Variants in NBAS observed in about 807,000 individuals in gnomAD.
NBAS encodes the protein NAG/BC035112 fusion.
NBAS carries 219 observed loss-of-function variants against 302.5 expected under a neutral mutation model. The ratio of observed to expected loss-of-function variants is 0.72; its 90% confidence interval spans 0.65 to 0.81. The LOEUF (loss-of-function observed/expected upper bound fraction) is 0.81. Among genes scored for constraint, NBAS ranks in the 30% least tolerant of loss-of-function variants. The pLI, the probability that NBAS is intolerant of heterozygous loss-of-function variation, is 0.00. For synonymous variants in NBAS, 1,118 were observed against 1,021.6 expected, an observed-to-expected ratio of 1.09 and a Z score of -1.80; for missense variants, 2,932 against 2,841.6, an observed-to-expected ratio of 1.03 and a Z score of -0.72.
intron 44 of NBAS, among the ~76,000 whole-genome samples, chr2:15,241,844 C>G (rs1248432321): frequency 1.3e-5 from 2 of 152,118 alleles, no homozygotes; most frequent in East Asian, 1.9e-4. Flanking sequence ...ACTCAAGAAC[C>G]TTCACAAACT....
the NBAS span, among the ~76,000 whole-genome samples, chr2:14,876,829 C>T: frequency 6.6e-6 from 1 of 152,260 alleles, no homozygotes; most frequent in Non-Finnish European, 1.5e-5. Context: ...CGGCCGCTGA[C>T]TCCAGCCTTG....
intron 49 of NBAS, among the ~76,000 whole-genome samples, chr2:15,187,440 C>T (rs1299229611): frequency 2.0e-5 from 3 of 152,008 alleles, no homozygotes; most frequent in African/African-American, 7.3e-5. Flanking sequence ...GACTAAGTTA[C>T]AATCAGGGTA....
chr2:15,023,428 C>T, the NBAS span, among the ~76,000 whole-genome samples: 11 of 152,018 alleles, frequency 7.2e-5, no homozygotes, highest in South Asian at 2.1e-4. Context: ...AGTTACATTA[C>T]GTGAGAAAGA....
chr2:15,516,291 A>G (rs1257968932), intron 9 of NBAS, among the ~76,000 whole-genome samples: 1 of 152,200 alleles, frequency 6.6e-6, no homozygotes, highest in East Asian at 1.9e-4. Context: ...ATAAGAAAAT[A>G]AGTTCTAAGA....
intron 6 of NBAS, among the ~76,000 whole-genome samples, chr2:15,547,932 C>G (rs1487147077): frequency 6.6e-6 from 1 of 152,210 alleles, no homozygotes; most frequent in Non-Finnish European, 1.5e-5. Context: ...ATTAGGCAAA[C>G]AGGTCTTCTT....
chr2:15,264,708 T>A (rs1372865273), intron 44 of NBAS, among the ~76,000 whole-genome samples: 1 of 152,160 alleles, frequency 6.6e-6, no homozygotes, highest in African/African-American at 2.4e-5. Flanking sequence ...CTAACTTCCT[T>A]GGGACTTAAA....
chr2:15,496,937 T>C (rs1221899517), intron 11 of NBAS, among the ~76,000 whole-genome samples: 1 of 152,016 alleles, frequency 6.6e-6, no homozygotes, highest in Non-Finnish European at 1.5e-5. Context: ...GTATTTAAAT[T>C]GAAGGACTAT....
chr2:15,062,926 T>C, the NBAS span, among the ~76,000 whole-genome samples: 2 of 152,226 alleles, frequency 1.3e-5, no homozygotes, highest in Admixed American at 1.3e-4. Flanking sequence ...ATCCTGGGAA[T>C]AAGCCCAAGG....
chr2:15,114,693 A>G, the NBAS span, among the ~76,000 whole-genome samples: 2 of 152,148 alleles, frequency 1.3e-5, no homozygotes, highest in African/African-American at 4.8e-5. Flanking sequence ...GCTGTGATTG[A>G]CAGGTGCACG....
intron 41 of NBAS, among the ~76,000 whole-genome samples, chr2:15,288,404 C>T (rs148197942): frequency 6.6e-6 from 1 of 152,202 alleles, no homozygotes; most frequent in East Asian, 1.9e-4. Context: ...AACACACACC[C>T]AGCAGAGGGT....
the NBAS span, among the ~76,000 whole-genome samples, chr2:15,000,682 C>T: frequency 6.6e-6 from 1 of 152,136 alleles, no homozygotes; most frequent in African/African-American, 2.4e-5. Context: ...ATATTTAATA[C>T]CGAGAGGTGA....
intron 9 of NBAS, 83 bp downstream of exon 9, chr2:15,534,458 CAT>C: frequency 1.0e-6 from 1 of 989,174 alleles, no homozygotes; most frequent in South Asian, 1.3e-5. Context: ...AAGAAGTCAA[CAT>C]AAGAATCAGA....
chr2:14,910,301 G>A, the NBAS span, among the ~76,000 whole-genome samples: 1 of 152,144 alleles, frequency 6.6e-6, no homozygotes, highest in African/African-American at 2.4e-5. Context: ...CACTCCACTG[G>A]GTAAGGATGA....
the NBAS span, among the ~76,000 whole-genome samples, chr2:15,073,335 T>C: frequency 1.8e-4 from 27 of 151,882 alleles, 1 homozygote; most frequent in Admixed American, 1.5e-3. Flanking sequence ...AAAAATTAGC[T>C]GGGCGTGGTG....
chr2:15,119,734 C>A, the NBAS span, among the ~76,000 whole-genome samples: 3 of 152,128 alleles, frequency 2.0e-5, no homozygotes, highest in East Asian at 5.8e-4. Context: ...AGAGCTCGGT[C>A]CCATGTACTC....
At chr2:15,351,903 C>CAA in intron 35 of NBAS, 89 bp downstream of exon 35, 2 of 928,346 alleles carry the variant, frequency 2.2e-6, no homozygotes, top group Non-Finnish European at 3.5e-6. Flanking sequence ...CACACACACA[C>CAA]AAAACCCCTC....
chr2:14,923,101 G>A, the NBAS span, among the ~76,000 whole-genome samples: 3 of 152,188 alleles, frequency 2.0e-5, no homozygotes, highest in Admixed American at 6.5e-5. Flanking sequence ...GCAGTGAGCC[G>A]AGATTGCGCA....
At chr2:15,159,416 T>A in the NBAS span, among the ~76,000 whole-genome samples, 2 of 150,948 alleles carry the variant, frequency 1.3e-5, no homozygotes, top group Non-Finnish European at 2.9e-5. Context: ...AGTATATACA[T>A]ACAAAAGAGT....
At chr2:14,938,732 C>CG in the NBAS span, among the ~76,000 whole-genome samples, 1 of 152,128 alleles carries the variant, frequency 6.6e-6, no homozygotes, top group South Asian at 2.1e-4. Context: ...ATAAACACAC[C>CG]GTGTGATGAT....
Sources: allele counts gnomAD v4.1 joint callset (sites outside exome capture counted in the v4.1 genomes callset), GRCh38; gene constraint gnomAD v4.1.1; transcripts MANE v1.5; gene names NCBI Gene and HGNC (gene_info 2026-07-23, HGNC 2026-07-21).